Variants in NRXN1 observed in about 807,000 individuals in gnomAD.
NRXN1 encodes neurexin 1.
Under a neutral mutation model 150.9 loss-of-function variants are expected in NRXN1, and 39 were observed. The observed-to-expected ratio is 0.26, with a 90% confidence interval of 0.20 to 0.34. NRXN1 has a LOEUF of 0.34. NRXN1 is among the 10% of genes least tolerant of loss of function. NRXN1 has a pLI of 1.00. For synonymous variants in NRXN1, 924 were observed against 757.0 expected (o/e 1.22, Z -3.62); for missense variants, 1,815 against 1,949.9 (o/e 0.93, Z 1.30).
At chr2:50,802,775 A>C (rs1458883964) in intron 5 of NRXN1, among the ~76,000 whole-genome samples, 1 of 152,114 alleles carries the variant, frequency 6.6e-6, no homozygotes, top group African/African-American at 2.4e-5. Flanking sequence ...ATTGGGACAA[A>C]GAGATAGACA....
intron 5 of NRXN1, among the ~76,000 whole-genome samples, chr2:50,863,794 C>T (rs1264531501): frequency 1.3e-5 from 2 of 151,928 alleles, no homozygotes. Flanking sequence ...CCTAGTCAGA[C>T]ATTAAAAAAC....
intron 17 of NRXN1, among the ~76,000 whole-genome samples, chr2:50,432,918 ATCCCCGATTTCCGAT>A (rs1386488069): frequency 1.3e-5 from 2 of 152,160 alleles, no homozygotes; most frequent in East Asian, 3.9e-4. Flanking sequence ...AAGGCTTCCC[ATCCCCGATTTCCGAT>A]TCCCCATCTC....
intron 5 of NRXN1, among the ~76,000 whole-genome samples, chr2:50,725,636 A>G (rs1559173225): frequency 6.6e-6 from 1 of 152,216 alleles, no homozygotes; most frequent in South Asian, 2.1e-4. Context: ...TGGTACACAT[A>G]GAAAATGCCC....
At chr2:50,707,491 G>T (rs536149883) in intron 5 of NRXN1, among the ~76,000 whole-genome samples, 6 of 152,146 alleles carry the variant, frequency 3.9e-5, no homozygotes, top group African/African-American at 1.4e-4. Flanking sequence ...TCTGGCAGAC[G>T]TTATCTTGTA....
intron 21 of NRXN1, among the ~76,000 whole-genome samples, chr2:50,025,008 T>G (rs1688076693): frequency 6.6e-6 from 1 of 152,132 alleles, no homozygotes; most frequent in Admixed American, 6.6e-5. Flanking sequence ...ATGGTGTGAT[T>G]TCAGTACTGT....
intron 5 of NRXN1, among the ~76,000 whole-genome samples, chr2:50,844,782 T>C (rs1039347195): frequency 1.3e-5 from 2 of 152,084 alleles, no homozygotes; most frequent in African/African-American, 4.8e-5. Flanking sequence ...GCAAGTATCA[T>C]GGAATGGAAA....
intron 5 of NRXN1, among the ~76,000 whole-genome samples, chr2:50,732,543 C>G (rs941982928): frequency 1.3e-5 from 2 of 152,046 alleles, no homozygotes; most frequent in African/African-American, 4.8e-5. Flanking sequence ...CACTTGTTTT[C>G]AATTACAGAT....
At chr2:50,585,949 A>G (rs1337380165) in intron 8 of NRXN1, among the ~76,000 whole-genome samples, 1 of 152,196 alleles carries the variant, frequency 6.6e-6, no homozygotes, top group Non-Finnish European at 1.5e-5. Context: ...GGCAACAACC[A>G]TTTCAAAAAA....
intron 16 of NRXN1, among the ~76,000 whole-genome samples, chr2:50,469,508 G>C (rs2089256724): frequency 6.6e-6 from 1 of 151,460 alleles, no homozygotes; most frequent in South Asian, 2.1e-4. Flanking sequence ...TGGAGCCTAA[G>C]TGATTCCAGT....
chr2:50,464,496 C>A (rs2088604290), intron 17 of NRXN1: 1 of 151,896 alleles, frequency 6.6e-6, no homozygotes, highest in African/African-American at 2.4e-5. Flanking sequence ...AGACAAAGGT[C>A]AAAATGAACA....
At chr2:50,767,732 T>C (rs1702534347) in intron 5 of NRXN1, among the ~76,000 whole-genome samples, 1 of 152,106 alleles carries the variant, frequency 6.6e-6, no homozygotes, top group Non-Finnish European at 1.5e-5. Context: ...GTTGAGTTTG[T>C]TCAAATTCAC....
chr2:50,895,207 C>T (rs1381548854), intron 5 of NRXN1, among the ~76,000 whole-genome samples: 11 of 152,040 alleles, frequency 7.2e-5, no homozygotes. Flanking sequence ...AGAGAACATA[C>T]CCTATTGGGG....
chr2:50,689,857 TGTGTGTG>T lies in NRXN1; in HGVS notation c.833-66249_833-66243del, dbSNP rs1324018638. On this transcript the variant is annotated intron_variant, in intron 5 of 22. Coordinates refer to ENST00000401669, the MANE Select transcript of NRXN1 (RefSeq NM_001330078.2). ...CAGCTTGTTTTTTTTTGCTTATTTG[TGTGTGTG>T]TGTGTGTGTGTGTGTGTGTGTGTGT... Among the ~76,000 whole-genome samples the T allele has an allele frequency of 1.2e-3, 46 of 38,038 alleles. 2 individuals are homozygous for T. The South Asian group carries it at 0.041, about 34-fold the overall frequency. 25.0% of individuals were successfully genotyped at this position (38,038 alleles called of 152,430 possible).
At chr2:50,980,691 T>C (rs1358606717) in intron 2 of NRXN1, among the ~76,000 whole-genome samples, 1 of 152,090 alleles carries the variant, frequency 6.6e-6, no homozygotes, top group African/African-American at 2.4e-5. Context: ...AATCCATAGA[T>C]GCTAATGTAA....
intron 13 of NRXN1, 32 bp from the exon 14 acceptor site, chr2:50,497,746 T>G (rs200906644): frequency 1.3e-6 from 2 of 1,557,796 alleles, no homozygotes; most frequent in East Asian, 4.5e-5. Flanking sequence ...GATTATTTTC[T>G]GTATCTGAAA....
intron 19 of NRXN1, among the ~76,000 whole-genome samples, chr2:50,087,774 T>C (rs1052064729): frequency 6.6e-6 from 1 of 152,310 alleles, no homozygotes. Flanking sequence ...AAAAAGAGCA[T>C]AAAATCTACC....
intron 12 of NRXN1, among the ~76,000 whole-genome samples, chr2:50,521,796 G>A (rs1449419065): frequency 6.6e-6 from 1 of 152,254 alleles, no homozygotes; most frequent in Non-Finnish European, 1.5e-5. Flanking sequence ...AGTGTATCAT[G>A]TGGCCTCTAT....
intron 22 of NRXN1, among the ~76,000 whole-genome samples, chr2:49,923,227 C>T (rs1362854375): frequency 6.6e-6 from 1 of 151,994 alleles, no homozygotes; most frequent in African/African-American, 2.4e-5. Flanking sequence ...AGCTCTTTTC[C>T]CCTATATATA....
chr2:50,484,002 T>C (rs902824878), intron 15 of NRXN1, among the ~76,000 whole-genome samples: 2 of 152,204 alleles, frequency 1.3e-5, no homozygotes, highest in Non-Finnish European at 2.9e-5. Flanking sequence ...CCCAGTGGTA[T>C]AAAGGGCAAA....
Sources: gnomAD v4.1 joint callset for allele counts (sites outside exome capture counted in the v4.1 genomes callset) on GRCh38, gnomAD v4.1.1 for gene constraint, MANE v1.5 for transcripts, NCBI Gene and HGNC (gene_info 2026-07-23, HGNC 2026-07-21) for gene names.